Variants in SYT8 observed in about 807,000 individuals in gnomAD.
SYT8 encodes synaptotagmin 8.
SYT8 carries 50 observed loss-of-function variants against 34.9 expected under a neutral mutation model. That is an observed-to-expected ratio of 1.43 (90% CI 1.14 to 1.81). SYT8 has a LOEUF of 1.81. Ranked by LOEUF, SYT8 falls within the 40% of genes most tolerant of loss-of-function variation. The pLI is 0.00. For missense variants in SYT8, 595 were observed against 529.0 expected (o/e 1.12, Z -1.22); for synonymous variants, 255 against 234.2 (o/e 1.09, Z -0.81).
chr11:1,834,423 C>A, upstream of SYT8: 1 of 730,710 alleles, frequency 1.4e-6, no homozygotes, highest in Non-Finnish European at 2.4e-6. This position sits in a 1 kb window ranked among gnomAD's most constrained non-coding sequence, Gnocchi z 4.5. Context: ...TCACCTTCAT[C>A]CTCAGGCGCT....
At position 1,836,163 on chromosome 11, in the gene SYT8, C is replaced by A. The variant is rs1846909534; in HGVS notation, c.395C>A (p.Pro132His). 6.6e-7 allele frequency: 1 copy of A among 1,523,350 alleles called. No homozygotes were observed. 94.4% of individuals were successfully genotyped at this position (1,523,350 alleles called of 1,614,324 possible). ...CTGAGGCAGGCAGCCGACCTGAGGC[C>A]TGGGGGCACCGTGGACCCCTATGCC... ...VGLRQAADLR[P>H]GGTVDPYARV... The change falls in exon 4 of 8, where the codon CCT becomes CAT. Residue 132 changes from proline to histidine, a missense_variant. Transcript: ENST00000341958.
upstream of SYT8, among the ~76,000 whole-genome samples, chr11:1,832,291 C>T (rs906648553): frequency 9.9e-5 from 15 of 152,266 alleles, no homozygotes; most frequent in Middle Eastern, 3.4e-3. Context: ...GCAGAGCAGC[C>T]GCCTTCGTGG....
At position 1,837,379 on chromosome 11, in the gene SYT8, T is replaced by C. The variant is rs1212538415; in HGVS notation, c.1112T>C (p.Met371Thr). Residue 371 changes from methionine (M) to threonine (T), a missense_variant, in exon 8 of 8, where the codon ATG becomes ACG. Coordinates refer to ENST00000341958, the MANE Select transcript of SYT8 (RefSeq NM_001394072.1). ...PLRPAREVDRMLALQPRLRLR... is the reference protein window; with the variant it reads ...PLRPAREVDRTLALQPRLRLR... ...CGGCCAGCCAGGGAGGTGGACCGCA[T>C]GCTGGCCCTGCAGCCCCGCCTTCGC... 3.1e-6 allele frequency: 5 copies of C among 1,602,264 alleles called. No individual in the cohort carries two copies. In the African/African-American group the frequency reaches 6.7e-5, roughly 21 times the overall value.
Position 1,836,570 on chromosome 11 carries a change from T to G in SYT8, c.662T>G (p.Leu221Arg). 1.2e-6 allele frequency: 2 copies of G among 1,611,512 alleles called. No individual in the cohort carries two copies. Among genetic ancestry groups the G allele is most frequent in the Non-Finnish European group, 1.7e-6 (2 of 1,179,382 alleles). ...CATGTTCTGGAGCACTGGTACCTGCTGGGCCCGCCGGCTGCCACTCAGGTG... is the reference window on the plus strand; with the variant it reads ...CATGTTCTGGAGCACTGGTACCTGCGGGGCCCGCCGGCTGCCACTCAGGTG... ...LQHVLEHWYL[L>R]GPPAATQPEQ... Residue 221 changes from leucine (L) to arginine (R), a missense_variant, in exon 5 of 8, where the codon CTG (leucine) becomes CGG (arginine). Transcript: ENST00000341958.
chr11:1,837,289 C>T lies in SYT8; in HGVS notation c.1022C>T (p.Pro341Leu). The T allele has an allele frequency of 6.3e-7, 1 of 1,588,244 alleles. No individual in the cohort carries two copies. The highest frequency in any genetic ancestry group is 8.5e-7 in the Non-Finnish European group (1 of 1,171,986). The change falls in exon 8 of 8, where the codon CCC becomes CTC. Residue 341 changes from proline (P) to leucine (L), a missense_variant. Coordinates refer to ENST00000341958, the MANE Select transcript of SYT8 (RefSeq NM_001394072.1). ...CTGGGTGCCCGGGCCTCGGGGCAGCCCCTGCAGCACTGGGCAGACATGCTG... is the reference window on the plus strand; with the variant it reads ...CTGGGTGCCCGGGCCTCGGGGCAGCTCCTGCAGCACTGGGCAGACATGCTG... ...VHLGARASGQ[P>L]LQHWADMLAH...
At chr11:1,836,312 G>A (rs1846926770) in intron 4 of SYT8, 28 bp downstream of exon 4, 2 of 1,516,618 alleles carry the variant, frequency 1.3e-6, no homozygotes, top group African/African-American at 2.8e-5. Context: ...GGCTGGGTGG[G>A]CCTGGACGGC....
chr11:1,835,093 G>T lies in SYT8; in HGVS notation c.-13G>T, dbSNP rs770827834. On this transcript the variant is annotated 5_prime_UTR_variant, in exon 1 of 8. Coordinates refer to ENST00000341958, the MANE Select transcript of SYT8 (RefSeq NM_001394072.1). ...CTCCTGGGCCGCTTCTTCCAAACCA[G>T]CAGGGTAGAAAGATGGGGCACCCAC... 44 of 1,612,734 alleles carry T rather than the reference G, an allele frequency of 2.7e-5. No individual in the cohort carries two copies. Among genetic ancestry groups the T allele is most frequent in the Non-Finnish European group, 3.6e-5 (43 of 1,179,766 alleles).
upstream of SYT8, chr11:1,831,833 C>T (rs932208415): frequency 4.7e-5 from 21 of 450,210 alleles, no homozygotes; most frequent in East Asian, 6.3e-4. Flanking sequence ...GAGCTGGACC[C>T]GCCTTCGGGT....
rs1407350660 is a variant in SYT8, at chr11:1,835,019, T to C, written c.-87T>C. The C allele has an allele frequency of 2.2e-6, 3 of 1,381,706 alleles. No homozygotes were observed. Among genetic ancestry groups the C allele is most frequent in the East Asian group, 4.6e-5 (2 of 43,582 alleles). The allele number at this position is 1,381,706 out of a possible 1,614,324, so 85.6% of individuals were successfully genotyped here. On this transcript the variant is annotated 5_prime_UTR_variant, in exon 1 of 8. The change abolishes an upstream ATG in the 5' untranslated region. Coordinates refer to ENST00000341958, the MANE Select transcript of SYT8 (RefSeq NM_001394072.1). Reference sequence around the variant, plus strand: ...CCAGCACTGGCTGCTGCTAGTCAGATGGGGTAGCGGGCAGGGGCCGGAGGG... The same window carrying C: ...CCAGCACTGGCTGCTGCTAGTCAGACGGGGTAGCGGGCAGGGGCCGGAGGG...
Position 1,837,316 on chromosome 11 carries a change from C to T in SYT8, c.1049C>T (p.Ala350Val). 1 of 1,589,276 alleles carries T rather than the reference C, an allele frequency of 6.3e-7. No individual in the cohort carries two copies. The highest frequency in any genetic ancestry group is 2.2e-5 in the East Asian group (1 of 44,530). Residue 350 changes from alanine (A) to valine (V), a missense_variant, in exon 8 of 8, where the codon GCC (alanine) becomes GTC (valine). Physicochemically the swap from Ala to Val is moderately conservative, Grantham distance 64 (BLOSUM62 0). Transcript: ENST00000341958. ...CTGCAGCACTGGGCAGACATGCTGG[C>T]CCACGCCCGGCGGCCCATTGCCCAG... is the stretch of plus-strand genomic sequence containing the variant. Reference protein sequence around the residue: ...QPLQHWADMLAHARRPIAQRH... With the variant: ...QPLQHWADMLVHARRPIAQRH...
rs1397475980 is a variant in SYT8, at chr11:1,836,271, C to G, written c.503C>G (p.Thr168Ser). Residue 168 changes from threonine (T) to serine (S), a missense_variant, in exon 4 of 8, where the codon ACC (threonine) becomes AGC (serine). Transcript: ENST00000341958. ...ACGCTCTGCCCCGTGTTTGACGAGA[C>G]CTGCTGCTTCCACGTGAGTCAGGGA... is the stretch of plus-strand genomic sequence containing the variant. ...RGTLCPVFDE[T>S]CCFHIPQAEL... is the part of the protein sequence containing the mutation. 1.3e-6 allele frequency: 2 copies of G among 1,556,976 alleles called. No homozygotes were observed. The highest frequency in any genetic ancestry group is 1.4e-5 in the African/African-American group (1 of 73,088).
In SYT8 at chr11:1,835,945, C is replaced by T. The variant is rs777042336; in HGVS notation, c.318C>T (p.Cys106=). The change falls in exon 3 of 8, where the codon TGC becomes TGT. Residue 106 remains cysteine (C), a synonymous_variant. Transcript: ENST00000341958. ...SSPGDAQQWG[C]LQLSLEFDFG... The stretch of plus-strand genomic sequence containing the variant: ...CGGGGGATGCTCAGCAATGGGGGTG[C>T]CTGCAGCTCTCCCTGGAGTTCGACT... The T allele has an allele frequency of 6.2e-7, 1 of 1,608,192 alleles. No homozygotes were observed. Among genetic ancestry groups the T allele is most frequent in the Non-Finnish European group, 8.5e-7 (1 of 1,178,486 alleles).
intron 4 of SYT8, 33 bp from the exon 5 acceptor site, chr11:1,836,392 G>T (rs777084477): frequency 4.0e-6 from 6 of 1,514,860 alleles, no homozygotes; most frequent in Admixed American, 2.1e-5. Context: ...CCTGAGCTAG[G>T]GCAGCAGGGC....
Position 1,836,456 on chromosome 11 carries a change from T to C in SYT8, c.548T>C (p.Leu183Pro), listed in dbSNP as rs1428907949. ...IPQAELPGAT[L>P]QVQLFNFKRF... Reference sequence around the variant, plus strand: ...CAGGCGGAGCTGCCAGGGGCCACCCTGCAGGTGCAGCTTTTCAACTTCAAG... The same window carrying C: ...CAGGCGGAGCTGCCAGGGGCCACCCCGCAGGTGCAGCTTTTCAACTTCAAG... The change falls in exon 5 of 8, where the codon CTG (leucine) becomes CCG (proline). Residue 183 changes from leucine (L) to proline (P), a missense_variant. By Grantham distance (98) the Leu-to-Pro change is moderately conservative. Transcript: ENST00000341958. The C allele has an allele frequency of 3.1e-6, 5 of 1,600,768 alleles. No homozygotes were observed. The highest frequency in any genetic ancestry group is 4.3e-6 in the Non-Finnish European group (5 of 1,175,222).
upstream of SYT8, chr11:1,834,345 G>A (rs2059870604): frequency 3.6e-6 from 2 of 557,994 alleles, no homozygotes; most frequent in Non-Finnish European, 3.2e-6. The surrounding 1 kb of genome is among the most constrained non-coding windows in gnomAD (Gnocchi z 4.5). Flanking sequence ...TCCAGGCAGC[G>A]GCTGAGTCAG....
chr11:1,834,851 C>A, upstream of SYT8: 2 of 630,578 alleles, frequency 3.2e-6, no homozygotes, highest in Non-Finnish European at 5.5e-6. The surrounding 1 kb of genome is among the most constrained non-coding windows in gnomAD (Gnocchi z 4.5). Flanking sequence ...GGGCTGGGGG[C>A]TGCTGGGAGG....
In SYT8 at chr11:1,835,043, G is replaced by A; in HGVS notation, c.-63G>A. ...ATGGGGTAGCGGGCAGGGGCCGGAG[G>A]GGCCACCCTCCCAGCTGACCCAGCC... is the stretch of plus-strand genomic sequence containing the variant. On this transcript the variant is annotated 5_prime_UTR_variant, in exon 1 of 8. Transcript: ENST00000341958. 1 of 1,562,730 alleles carries A rather than the reference G, an allele frequency of 6.4e-7. No homozygotes were observed. The highest frequency in any genetic ancestry group is 8.8e-7 in the Non-Finnish European group (1 of 1,137,726).
At position 1,836,678 on chromosome 11, in the gene SYT8, G is replaced by A; in HGVS notation, c.685-78G>A. 2.5e-6 allele frequency: 4 copies of A among 1,593,612 alleles called. No homozygotes were observed. The South Asian group carries it at 4.4e-5, about 18-fold the overall frequency. ...GGCCATCGGAAAGACAGGCCTGATG[G>A]GCAGCATTTTCGGGGGTCTGAGCCC... On this transcript the variant is annotated intron_variant, in intron 5 of 7. Transcript: ENST00000341958.
intron 3 of SYT8, 50 bp downstream of exon 3, chr11:1,836,034 G>A: frequency 1.3e-6 from 2 of 1,588,094 alleles, no homozygotes; most frequent in African/African-American, 1.4e-5. Flanking sequence ...TTTCCGGAAA[G>A]GGTGACGGGG....
Sources: gnomAD v4.1 joint callset for allele counts (sites outside exome capture counted in the v4.1 genomes callset) on GRCh38, gnomAD v4.1.1 for gene constraint, Gnocchi (gnomAD v3.1) non-coding constraint, MANE v1.5 for transcripts, NCBI Gene and HGNC (gene_info 2026-07-23, HGNC 2026-07-21) for gene names.